The following CUX1 variants were observed in gnomAD, a reference collection of about 807,000 sequenced individuals.
The protein encoded by CUX1 is protein CASP.
CUX1 carries 31 observed loss-of-function variants against 158.8 expected under a neutral mutation model. The observed-to-expected ratio is 0.20, with a 90% CI of 0.15 to 0.26. CUX1 has a LOEUF of 0.26. Among genes scored for constraint, CUX1 ranks in the 10% least tolerant of loss-of-function variants. CUX1 has a pLI of 1.00. For missense variants in CUX1, 1,589 were observed against 2,014.6 expected, an observed-to-expected ratio of 0.79 and a Z score of 4.04; for synonymous variants, 879 against 862.1, an observed-to-expected ratio of 1.02 and a Z score of -0.34.
intron 1 of CUX1, among the ~76,000 whole-genome samples, chr7:101,908,214 G>A (rs1802974487): frequency 6.6e-6 from 1 of 152,222 alleles, no homozygotes; most frequent in Non-Finnish European, 1.5e-5. Context: ...ATTGATTGCT[G>A]TTGATGGACA....
At chr7:101,963,509 A>G (rs1206978451) in intron 2 of CUX1, among the ~76,000 whole-genome samples, 1 of 152,158 alleles carries the variant, frequency 6.6e-6, no homozygotes, top group Non-Finnish European at 1.5e-5. Flanking sequence ...GCTGCTGGTT[A>G]GTAGGGTGGG....
rs139809659 is a variant in CUX1 at position 101,948,343 on chromosome 7, C to T, written c.141+32118C>T. ...ATGATTTGCAATTACATCTCTTAAG[C>T]GGAAAACTGTCTGCTCTGATGGAGT... On this transcript the variant is annotated intron_variant, in intron 2 of 23. Coordinates refer to ENST00000292535, the MANE Select transcript of CUX1 (RefSeq NM_181552.4). Among the ~76,000 whole-genome samples the T allele has an allele frequency of 8.7e-4, 132 of 152,288 alleles. 1 individual carries two copies. The East Asian group carries it at 0.019, about 22-fold the overall frequency.
intron 2 of CUX1, among the ~76,000 whole-genome samples, chr7:101,965,554 A>C (rs1336052164): frequency 1.3e-5 from 2 of 152,146 alleles, no homozygotes; most frequent in Admixed American, 6.6e-5. Flanking sequence ...CAGCGTTAAA[A>C]AATGATGACT....
At position 102,139,600 on chromosome 7, in the gene CUX1, G is replaced by A. The variant is rs114092123; in HGVS notation, c.675-18960G>A. On this transcript the variant is annotated intron_variant, in intron 8 of 23. Transcript: ENST00000292535. ...GCCTGAGCACAGAAATTCGAGACAG[G>A]CTGGGCAACATAGCAAGAACTCATC... Among the ~76,000 whole-genome samples, 695 of 152,240 alleles carry A rather than the reference G, an allele frequency of 4.6e-3. 2 individuals are homozygous for A. The highest frequency in any genetic ancestry group is 0.016 in the African/African-American group (675 of 41,546).
rs782007678 is a variant in CUX1 at position 102,227,480 on chromosome 7, G to A, written c.3244G>A (p.Glu1082Lys). ...GGTCCAGCAGCCCTGTCCCCCCATC[G>A]AGGCGAGCAAGGACAGCAAGCCACC... ...ELVQQPCPPIEASKDSKPPEP... is the reference protein window; with the variant it reads ...ELVQQPCPPIKASKDSKPPEP... The change falls in exon 21 of 24, where the codon GAG becomes AAG. Residue 1082 changes from glutamate to lysine, a missense_variant. Glu to Lys is a moderately conservative substitution (Grantham distance 56). Around this residue, in one of 8 missense-constraint regions of CUX1, gnomAD observed 259 missense variants for 373.8 expected, o/e 0.69. Coordinates refer to ENST00000292535, the MANE Select transcript of CUX1 (RefSeq NM_181552.4). The A allele has an allele frequency of 3.2e-5, 52 of 1,613,884 alleles. No homozygotes were observed. The highest frequency in any genetic ancestry group is 3.6e-5 in the Non-Finnish European group (42 of 1,180,026).
intron 1 of CUX1, among the ~76,000 whole-genome samples, chr7:101,875,714 T>A (rs1799051199): frequency 6.6e-6 from 1 of 152,178 alleles, no homozygotes; most frequent in Admixed American, 6.5e-5. Context: ...GGTGCGCCGC[T>A]CTCTGCCCCT....
At chr7:102,247,375 G>A (rs550948629) in intron 23 of CUX1, among the ~76,000 whole-genome samples, 3 of 152,318 alleles carry the variant, frequency 2.0e-5, no homozygotes, top group African/African-American at 4.8e-5. Context: ...TGGATGCAGC[G>A]GTTATCAGGC....
chr7:101,969,982 CA>C (rs34167642), intron 2 of CUX1, among the ~76,000 whole-genome samples: 984 of 55,664 alleles, frequency 0.018, 4 homozygotes, highest in African/African-American at 0.062. Flanking sequence ...GAGTTAGCAC[CA>C]AAAAAAAAAA....
intron 2 of CUX1, among the ~76,000 whole-genome samples, chr7:102,015,165 G>C (rs933835273): frequency 1.3e-5 from 2 of 152,224 alleles, no homozygotes; most frequent in African/African-American, 4.8e-5. Flanking sequence ...TAAACGTGAA[G>C]TCAGGCATCC....
chr7:102,128,913 G>C (rs1832932558), intron 8 of CUX1, among the ~76,000 whole-genome samples: 1 of 152,018 alleles, frequency 6.6e-6, no homozygotes, highest in Non-Finnish European at 1.5e-5. Context: ...GGGAGGTGGA[G>C]GTTGCAGTGA....
At chr7:102,019,227 T>G (rs780558747) in intron 2 of CUX1, among the ~76,000 whole-genome samples, 29 of 152,012 alleles carry the variant, frequency 1.9e-4, no homozygotes, top group South Asian at 8.3e-4. Context: ...ACAAGTCTTT[T>G]TTTGTTTGTT....
chr7:102,161,163 A>C (rs2131595272), intron 9 of CUX1: 1 of 152,322 alleles, frequency 6.6e-6, no homozygotes, highest in East Asian at 1.9e-4. Flanking sequence ...AGCCTGGGCA[A>C]TTTAACAAGT....
chr7:102,282,891 C>T, intron 22 of CUX1: 1 of 960,198 alleles, frequency 1.0e-6, no homozygotes, highest in South Asian at 1.4e-5. Context: ...ATCACAGCCC[C>T]CCATTCTGGC....
At chr7:101,975,263 A>C (rs1191278307) in intron 2 of CUX1, among the ~76,000 whole-genome samples, 1 of 148,136 alleles carries the variant, frequency 6.8e-6, no homozygotes, top group Non-Finnish European at 1.5e-5. Flanking sequence ...AAGGAAAAAA[A>C]AAGAGAGAGA....
chr7:101,870,994 C>T (rs991418652), intron 1 of CUX1, among the ~76,000 whole-genome samples: 1 of 152,248 alleles, frequency 6.6e-6, no homozygotes, highest in African/African-American at 2.4e-5. Context: ...CCACCAGGGG[C>T]TGCAGATGAG....
At chr7:101,887,842 CAT>C (rs140673857) in intron 1 of CUX1, among the ~76,000 whole-genome samples, 106 of 135,058 alleles carry the variant, frequency 7.8e-4, no homozygotes, top group Non-Finnish European at 1.3e-3. Context: ...ATGACGGTGA[CAT>C]TTTTTTTTTT....
chr7:102,143,661 A>T (rs1376084289), intron 8 of CUX1, among the ~76,000 whole-genome samples: 1 of 152,180 alleles, frequency 6.6e-6, no homozygotes, highest in Non-Finnish European at 1.5e-5. Flanking sequence ...CTCTTTGTAT[A>T]CATTTTTTTC....
intron 14 of CUX1, among the ~76,000 whole-genome samples, chr7:102,269,826 C>A (rs1041378719): frequency 4.7e-5 from 7 of 149,046 alleles, no homozygotes; most frequent in African/African-American, 7.3e-5. Flanking sequence ...CATGCCCCCC[C>A]CAAACGCTTC....
chr7:102,280,435 G>A (rs1048693336), intron 19 of CUX1, among the ~76,000 whole-genome samples: 3 of 152,194 alleles, frequency 2.0e-5, no homozygotes, highest in South Asian at 2.1e-4. Flanking sequence ...GTGCATTTGC[G>A]GGACAGGCAG....
Sources: gnomAD v4.1 joint callset for allele counts (sites outside exome capture counted in the v4.1 genomes callset) on GRCh38, gnomAD v4.1.1 for gene constraint, gnomAD v4.1.1 regional missense constraint, MANE v1.5 for transcripts, NCBI Gene and HGNC (gene_info 2026-07-23, HGNC 2026-07-21) for gene names.